MMP17: variants seen among roughly 807,000 people sequenced by gnomAD.
MMP17 encodes the protein matrix metallopeptidase 17.
MMP17 carries 54 observed loss-of-function variants against 49.1 expected under a neutral mutation model. That is an observed-to-expected ratio of 1.10 (90% CI 0.88 to 1.38). MMP17 has a LOEUF of 1.38. MMP17 is among the 40% of genes most tolerant of loss of function. The probability of loss-of-function intolerance (pLI) is 0.00; values close to 1 mark genes in which losing one functional copy is unlikely to be tolerated. For synonymous variants in MMP17, 397 were observed against 383.1 expected, an observed-to-expected ratio of 1.04 and a Z score of -0.42; for missense variants, 837 against 853.7, an observed-to-expected ratio of 0.98 and a Z score of 0.24.
At chr12:131,841,070 C>T (rs1056351518) in intron 4 of MMP17, among the ~76,000 whole-genome samples, 9 of 152,238 alleles carry the variant, frequency 5.9e-5, no homozygotes, top group Non-Finnish European at 8.8e-5. Flanking sequence ...GCAGGGACAC[C>T]GCTGGCTGAG....
In MMP17 at chr12:131,840,753, CG is replaced by C; in HGVS notation, c.605del (p.Gly202AlafsTer55). The C allele has an allele frequency of 6.2e-7, 1 of 1,604,244 alleles. No homozygotes were observed. The highest frequency in any genetic ancestry group is 8.5e-7 in the Non-Finnish European group (1 of 1,179,884). On this transcript the variant is annotated frameshift_variant, in exon 4 of 10. Transcript: ENST00000360564. LOFTEE classifies it high-confidence loss of function. Reference protein sequence around the residue: ...ADHNDGYPFDGPGGTVAHAFF... With the variant: ...ADHNDGYPFDXPGGTVAHAFF... ...ACCATAACGACGGCTACCCCTTCGA[CG>C]GCCCCGGCGGCACCGTGGCCCACGC...
In MMP17 at chr12:131,851,007, C is replaced by A. The variant is rs1436741675; in HGVS notation, c.1545C>A (p.Ser515=). 2 of 1,593,410 alleles carry A rather than the reference C, an allele frequency of 1.3e-6. No individual in the cohort carries two copies. The highest frequency in any genetic ancestry group is 1.7e-6 in the Non-Finnish European group (2 of 1,170,682). ...ELEVAPGYPQ[S]TARDWLVCGD... ...AGGTGGCACCCGGGTACCCACAGTC[C>A]ACGGCCCGGGACTGGCTGGTGTGTG... The change falls in exon 10 of 10, where the codon TCC becomes TCA. Residue 515 remains serine (S), a synonymous_variant. Transcript: ENST00000360564.
Position 131,838,227 on chromosome 12 carries a change from G to A in MMP17, c.192G>A (p.Pro64=), listed in dbSNP as rs1338464255. ...TAAGCAGGTTCGGTTACCTGCCCCC[G>A]GCTGACCCCACAACAGGGCAGCTGC... ...EWLSRFGYLP[P]ADPTTGQLQT... Residue 64 remains proline, a synonymous_variant, in exon 2 of 10, where the codon CCG becomes CCA. Transcript: ENST00000360564. 8.7e-6 allele frequency: 14 copies of A among 1,612,816 alleles called. No homozygotes were observed. The highest frequency in any genetic ancestry group is 1.1e-5 in the South Asian group (1 of 91,066).
intron 1 of MMP17, among the ~76,000 whole-genome samples, chr12:131,837,821 C>T (rs544011327): frequency 6.6e-6 from 1 of 152,254 alleles, no homozygotes; most frequent in African/African-American, 2.4e-5. Context: ...CACCACTCTC[C>T]TGCCTCAGCC....
chr12:131,831,717 G>C (rs1886806148), intron 1 of MMP17, among the ~76,000 whole-genome samples: 1 of 146,948 alleles, frequency 6.8e-6, no homozygotes, highest in South Asian at 2.3e-4. Context: ...TAAGTGCCGG[G>C]CCTCAGTCTC....
Position 131,851,641 on chromosome 12 carries a change from C to T in MMP17, c.*367C>T, listed in dbSNP as rs1226236399. On this transcript the variant is annotated 3_prime_UTR_variant, in exon 10 of 10. Coordinates refer to ENST00000360564, the MANE Select transcript of MMP17 (RefSeq NM_016155.7). Reference sequence around the variant, plus strand: ...CACCCACACTGCTGCCTGGTGCTCCCGCCGGCCCACAGGGCCTCCGTCCCC... The same window carrying T: ...CACCCACACTGCTGCCTGGTGCTCCTGCCGGCCCACAGGGCCTCCGTCCCC... The T allele has an allele frequency of 1.8e-5, 4 of 223,884 alleles. No individual in the cohort carries two copies. Among genetic ancestry groups the T allele is most frequent in the Non-Finnish European group, 2.6e-5 (3 of 114,476 alleles). 13.9% of individuals were successfully genotyped at this position (223,884 alleles called of 1,614,324 possible). A position where few individuals can be genotyped will look rare whatever the true frequency, so the allele number is the denominator to read the frequency against.
chr12:131,832,889 C>G (rs115635565), intron 1 of MMP17, among the ~76,000 whole-genome samples: 3,776 of 152,320 alleles, frequency 0.025, 147 homozygotes, highest in African/African-American at 0.083. Flanking sequence ...CTTGCTGTCC[C>G]CACCACCGTG....
chr12:131,840,753 C>A lies in MMP17; in HGVS notation c.603C>A (p.Asp201Glu). 6.2e-7 allele frequency: 1 copy of A among 1,604,244 alleles called. No homozygotes were observed. Among genetic ancestry groups the A allele is most frequent in the Non-Finnish European group, 8.5e-7 (1 of 1,179,884 alleles). ...KADHNDGYPF[D>E]GPGGTVAHAF... ...ACCATAACGACGGCTACCCCTTCGA[C>A]GGCCCCGGCGGCACCGTGGCCCACG... The change falls in exon 4 of 10, where the codon GAC becomes GAA. Residue 201 changes from aspartate to glutamate, a missense_variant. Asp to Glu is a conservative substitution (Grantham distance 45). Transcript: ENST00000360564.
At chr12:131,830,952 G>A (rs1206918206) in intron 1 of MMP17, among the ~76,000 whole-genome samples, 5 of 152,200 alleles carry the variant, frequency 3.3e-5, no homozygotes, top group Non-Finnish European at 7.4e-5. Context: ...GACATACAGC[G>A]AGCAGCCCAG....
intron 9 of MMP17, 59 bp from the exon 10 acceptor site, chr12:131,850,866 G>A (rs768101142): frequency 9.1e-6 from 12 of 1,324,264 alleles, no homozygotes; most frequent in African/African-American, 4.6e-5. Flanking sequence ...CTCGCTGTCC[G>A]GCTCGAGCCC....
At chr12:131,838,390 T>G (rs1472431678) in intron 2 of MMP17, 63 bp downstream of exon 2, 1 of 1,579,956 alleles carries the variant, frequency 6.3e-7, no homozygotes, top group African/African-American at 1.4e-5. Flanking sequence ...CCGTCGGCCA[T>G]GCCCCCTCTG....
intron 8 of MMP17, among the ~76,000 whole-genome samples, chr12:131,847,216 T>G (rs1014429879): frequency 3.3e-5 from 5 of 151,354 alleles, no homozygotes; most frequent in Admixed American, 6.6e-5. Flanking sequence ...ATCGAGACCA[T>G]CCTGGTTAAC....
intron 1 of MMP17, among the ~76,000 whole-genome samples, chr12:131,837,497 C>G (rs1263343959): frequency 6.6e-6 from 1 of 152,138 alleles, no homozygotes; most frequent in Non-Finnish European, 1.5e-5. Context: ...GAGCCACAGC[C>G]TTTCTCAGCT....
chr12:131,838,563 G>T, intron 2 of MMP17, 49 bp from the exon 3 acceptor site: 3 of 1,572,798 alleles, frequency 1.9e-6, no homozygotes, highest in Non-Finnish European at 2.6e-6. Context: ...GGGATCCTAG[G>T]GTGGGGAGTG....
chr12:131,830,516 C>T (rs1254096935), intron 1 of MMP17, among the ~76,000 whole-genome samples: 1 of 152,250 alleles, frequency 6.6e-6, no homozygotes, highest in Non-Finnish European at 1.5e-5. Context: ...GCGTCCTCTG[C>T]TGGCCCTCGG....
intron 3 of MMP17, chr12:131,840,368 T>C: frequency 3.7e-6 from 2 of 545,584 alleles, no homozygotes. Flanking sequence ...TGGGCTCTCA[T>C]TTCCCTCCCT....
Position 131,842,287 on chromosome 12 carries a change from C to T in MMP17, c.883+487C>T, listed in dbSNP as rs538394099. On this transcript the variant is annotated intron_variant, in intron 5 of 9. Coordinates refer to ENST00000360564, the MANE Select transcript of MMP17 (RefSeq NM_016155.7). Reference sequence around the variant, plus strand: ...GAGCTGGTGCCCCGGGGAGACAGCACACGTGCATCAGAGGCCGACGCGGTC... The same window carrying T: ...GAGCTGGTGCCCCGGGGAGACAGCATACGTGCATCAGAGGCCGACGCGGTC... Among the ~76,000 whole-genome samples, 339 of 152,252 alleles carry T rather than the reference C, an allele frequency of 2.2e-3. 2 individuals carry two copies. Among genetic ancestry groups the T allele is most frequent in the African/African-American group, 7.8e-3 (326 of 41,540 alleles).
chr12:131,840,051 G>C (rs1313815355), intron 3 of MMP17: 1 of 152,852 alleles, frequency 6.5e-6, no homozygotes, highest in African/African-American at 2.4e-5. Context: ...GCCTCCCAAA[G>C]TGCTGGGGTT....
At chr12:131,850,351 C>T (rs1320237386) in intron 9 of MMP17, among the ~76,000 whole-genome samples, 3 of 152,190 alleles carry the variant, frequency 2.0e-5, no homozygotes, top group Non-Finnish European at 2.9e-5. Context: ...GGCCATGCCT[C>T]GTCTGGGCAC....
Sources: allele counts gnomAD v4.1 joint callset (sites outside exome capture counted in the v4.1 genomes callset), GRCh38; gene constraint gnomAD v4.1.1; transcripts MANE v1.5; gene names NCBI Gene and HGNC (gene_info 2026-07-23, HGNC 2026-07-21).